CNGA1: variants seen among roughly 807,000 people sequenced by gnomAD.
CNGA1 encodes the protein cyclic nucleotide-gated channel alpha-1.
CNGA1 carries 53 observed loss-of-function variants against 69.7 expected under a neutral mutation model. The observed-to-expected ratio is 0.76, with a 90% confidence interval of 0.61 to 0.96. The LOEUF (loss-of-function observed/expected upper bound fraction) is 0.96. Ranked by LOEUF, CNGA1 falls within the 40% of genes least tolerant of loss-of-function variation. The pLI, the probability that CNGA1 is intolerant of heterozygous loss-of-function variation, is 0.00. For missense variants in CNGA1, 739 were observed against 811.2 expected, an observed-to-expected ratio of 0.91 and a Z score of 1.08; for synonymous variants, 249 against 283.5, an observed-to-expected ratio of 0.88 and a Z score of 1.22.
chr4:47,964,384 T>C (rs1194276604), intron 3 of CNGA1, among the ~76,000 whole-genome samples: 2 of 152,184 alleles, frequency 1.3e-5, no homozygotes, highest in African/African-American at 4.8e-5. Flanking sequence ...AGTCCTTCTC[T>C]TGTCCTATAA....
At chr4:47,964,660 A>G (rs1417391593) in intron 3 of CNGA1, among the ~76,000 whole-genome samples, 2 of 152,138 alleles carry the variant, frequency 1.3e-5, no homozygotes, top group Non-Finnish European at 2.9e-5. Context: ...TCAATAATCA[A>G]TAGACCATCT....
intron 5 of CNGA1, among the ~76,000 whole-genome samples, 162 bp from the exon 6 acceptor site, chr4:47,950,057 C>T (rs1489340018): frequency 2.0e-5 from 3 of 152,160 alleles, no homozygotes; most frequent in Non-Finnish European, 4.4e-5. Context: ...AAGCATAAAG[C>T]ATAAAAGTAT....
chr4:47,982,163 A>G (rs1033327535), intron 2 of CNGA1, among the ~76,000 whole-genome samples: 2 of 152,238 alleles, frequency 1.3e-5, no homozygotes, highest in African/African-American at 4.8e-5. Flanking sequence ...GCAATATATG[A>G]CAGGCTACAT....
At chr4:47,938,989 GAAAGAGAA>G (rs1380383149) in intron 10 of CNGA1, among the ~76,000 whole-genome samples, 3 of 143,686 alleles carry the variant, frequency 2.1e-5, no homozygotes, top group South Asian at 2.3e-4. Context: ...AAGAAAGAAA[GAAAGAGAA>G]AGAAAGAAAG....
At chr4:47,950,021 G>T in intron 5 of CNGA1, 126 bp from the exon 6 acceptor site, 1 of 761,940 alleles carries the variant, frequency 1.3e-6, no homozygotes, top group Non-Finnish European at 2.3e-6. Flanking sequence ...CTATGTAGAT[G>T]ATAGATATTT....
intron 6 of CNGA1, among the ~76,000 whole-genome samples, chr4:47,949,486 A>G (rs1739614921): frequency 6.6e-6 from 1 of 152,146 alleles, no homozygotes; most frequent in African/African-American, 2.4e-5. Context: ...ACTTCTGCAT[A>G]CAAGCCTCCA....
At chr4:48,010,377 C>T (rs1715101013) in intron 2 of CNGA1, among the ~76,000 whole-genome samples, 2 of 152,214 alleles carry the variant, frequency 1.3e-5, no homozygotes, top group Non-Finnish European at 1.5e-5. Flanking sequence ...GATGCTTTTA[C>T]AGTGCACTTT....
chr4:47,979,713 A>T (rs1480183809), intron 3 of CNGA1, among the ~76,000 whole-genome samples: 1 of 152,200 alleles, frequency 6.6e-6, no homozygotes, highest in African/African-American at 2.4e-5. Context: ...CATGATTTGT[A>T]GTCAACTTAA....
At chr4:48,002,672 T>C (rs1218446062) in intron 2 of CNGA1, among the ~76,000 whole-genome samples, 1 of 115,618 alleles carries the variant, frequency 8.6e-6, no homozygotes, top group African/African-American at 3.1e-5. Context: ...GAGCCGTGGG[T>C]GTCAGACATG....
intron 5 of CNGA1, among the ~76,000 whole-genome samples, chr4:47,950,729 C>T (rs535954065): frequency 6.6e-6 from 1 of 152,282 alleles, no homozygotes; most frequent in African/African-American, 2.4e-5. Flanking sequence ...AACACCAATA[C>T]CACACCACAC....
intron 3 of CNGA1, among the ~76,000 whole-genome samples, chr4:47,962,877 C>T (rs144686856): frequency 2.0e-5 from 3 of 152,182 alleles, no homozygotes; most frequent in East Asian, 1.9e-4. Flanking sequence ...CCAAAGACTA[C>T]GTATATTATC....
chr4:48,010,364 CATG>C (rs1002530756), intron 2 of CNGA1, among the ~76,000 whole-genome samples: 1 of 152,222 alleles, frequency 6.6e-6, no homozygotes, highest in African/African-American at 2.4e-5. Flanking sequence ...GGTTAGACCA[CATG>C]ATGCTTTTAC....
At chr4:48,006,772 C>A (rs1486548772) in intron 2 of CNGA1, among the ~76,000 whole-genome samples, 1 of 152,008 alleles carries the variant, frequency 6.6e-6, no homozygotes, top group African/African-American at 2.4e-5. Flanking sequence ...CAGGTGTGTG[C>A]CACCATGCCC....
intron 10 of CNGA1, among the ~76,000 whole-genome samples, chr4:47,938,626 C>T (rs1037443885): frequency 3.9e-5 from 6 of 152,036 alleles, no homozygotes; most frequent in South Asian, 2.1e-4. Flanking sequence ...CTCCTGACCT[C>T]GTGATCCACC....
In CNGA1 at chr4:48,015,056, T is replaced by G. The variant is rs554888827; in HGVS notation, c.-223+1427A>C. On this transcript the variant is annotated intron_variant, in intron 1 of 10. Coordinates refer to ENST00000514170, the MANE Select transcript of CNGA1 (RefSeq NM_001379270.1). ...AGCCGGGCGTGGTGGGGGGCGCCTG[T>G]AGTCCCAGCTACTCGGGAGGCTGAG... Among the ~76,000 whole-genome samples the G allele has an allele frequency of 5.3e-5, 8 of 151,258 alleles. No homozygotes were observed. In the South Asian group the frequency reaches 1.7e-3, roughly 32 times the overall value.
Position 47,937,407 on chromosome 4 carries a change from T to C in CNGA1, c.1075A>G (p.Ile359Val). The change falls in exon 11 of 11, where the codon ATT becomes GTT. Residue 359 changes from isoleucine (I) to valine (V), a missense_variant. Ile to Val is a conservative substitution (Grantham distance 29). Coordinates refer to ENST00000514170, the MANE Select transcript of CNGA1 (RefSeq NM_001379270.1). ...CTCACGGGAGGGGGTGTTTCACCAA[T>C]GGTAGTCAAAGTCAGTGTAGACCAG... The part of the protein sequence containing the change: ...LYWSTLTLTT[I>V]GETPPPVRDS... 2 of 1,614,100 alleles carry C rather than the reference T, an allele frequency of 1.2e-6. No individual in the cohort carries two copies. The highest frequency in any genetic ancestry group is 1.7e-6 in the Non-Finnish European group (2 of 1,180,018).
At chr4:47,938,972 GAAAGA>G (rs1390964772) in intron 10 of CNGA1, among the ~76,000 whole-genome samples, 37 of 141,384 alleles carry the variant, frequency 2.6e-4, no homozygotes, top group Non-Finnish European at 4.5e-4. Context: ...AAGAAAGAAA[GAAAGA>G]AAAGAAAGAA....
intron 6 of CNGA1, among the ~76,000 whole-genome samples, chr4:47,947,636 C>T (rs1485213275): frequency 2.6e-5 from 4 of 151,692 alleles, no homozygotes; most frequent in Admixed American, 2.6e-4. Flanking sequence ...CACCACTGCG[C>T]TCCAGCACAG....
intron 9 of CNGA1, among the ~76,000 whole-genome samples, chr4:47,941,349 A>C (rs1319715379): frequency 1.3e-5 from 2 of 152,160 alleles, no homozygotes; most frequent in African/African-American, 4.8e-5. Context: ...AATGGCCTAA[A>C]ACTAAAATCA....
Sources: gnomAD v4.1 joint callset for allele counts (sites outside exome capture counted in the v4.1 genomes callset) on GRCh38, gnomAD v4.1.1 for gene constraint, MANE v1.5 for transcripts, NCBI Gene and HGNC (gene_info 2026-07-23, HGNC 2026-07-21) for gene names.